Variants in EPS15 observed in about 807,000 individuals in gnomAD.
The protein encoded by EPS15 is epidermal growth factor receptor substrate 15.
EPS15 carries 72 observed loss-of-function variants against 113.8 expected under a neutral mutation model. The observed-to-expected ratio is 0.63, with a 90% CI of 0.52 to 0.77. The LOEUF (loss-of-function observed/expected upper bound fraction) is 0.77, where lower values mean the gene tolerates loss of function less well. Ranked by LOEUF, EPS15 falls within the 30% of genes least tolerant of loss-of-function variation. The pLI is 0.00. For missense variants in EPS15, 1,048 were observed against 1,045.8 expected (o/e 1.00, Z -0.03); for synonymous variants, 344 against 363.4 (o/e 0.95, Z 0.61).
At chr1:51,419,718 A>G (rs147345025) in intron 13 of EPS15, among the ~76,000 whole-genome samples, 1 of 152,222 alleles carries the variant, frequency 6.6e-6, no homozygotes, top group East Asian at 1.9e-4. Context: ...AAGTATTGAG[A>G]GTTGGAGTTA....
At position 51,361,185 on chromosome 1, in the gene EPS15, C is replaced by CA; in HGVS notation, c.2529dup (p.Ala844CysfsTer9). ...ACAGTACTTACAGCACTGAAGTTGG[C>CA]AAAATTGCTTGGATCAGCCTCTTTA... On this transcript the variant is annotated frameshift_variant, in exon 24 of 25. Transcript: ENST00000371733. LOFTEE classifies it high-confidence loss of function. 1 of 1,613,726 alleles carries CA rather than the reference C, an allele frequency of 6.2e-7. No individual in the cohort carries two copies. Among genetic ancestry groups the CA allele is most frequent in the Non-Finnish European group, 8.5e-7 (1 of 1,179,710 alleles).
At chr1:51,448,992 T>C (rs1416096403) in intron 8 of EPS15, among the ~76,000 whole-genome samples, 1 of 152,138 alleles carries the variant, frequency 6.6e-6, no homozygotes, top group African/African-American at 2.4e-5. Flanking sequence ...ATGCTGCTGG[T>C]GGGAATGTAA....
In EPS15 at chr1:51,391,764, G is replaced by A. The variant is rs113771481; in HGVS notation, c.2119+2617C>T. Among the ~76,000 whole-genome samples the A allele has an allele frequency of 2.2e-4, 33 of 152,300 alleles. 1 individual carries two copies. In the East Asian group the frequency reaches 5.8e-3, roughly 27 times the overall value. Reference sequence around the variant, plus strand: ...CTGACAGATTAGAGACAGAGGAAGAGCAAAAGAAGAACCAAGGATGATTCT... The same window carrying A: ...CTGACAGATTAGAGACAGAGGAAGAACAAAAGAAGAACCAAGGATGATTCT... On this transcript the variant is annotated intron_variant, in intron 21 of 24. Coordinates refer to ENST00000371733, the MANE Select transcript of EPS15 (RefSeq NM_001981.3).
intron 20 of EPS15, among the ~76,000 whole-genome samples, chr1:51,398,295 C>T (rs1479955355): frequency 3.9e-5 from 6 of 152,068 alleles, no homozygotes; most frequent in Non-Finnish European, 7.4e-5. Flanking sequence ...CCTCGTGATC[C>T]GCCCACCTCA....
At chr1:51,508,340 G>GAAAA (rs1300452001) in intron 1 of EPS15, among the ~76,000 whole-genome samples, 1 of 98,424 alleles carries the variant, frequency 1.0e-5, no homozygotes, top group Non-Finnish European at 2.1e-5. Context: ...GAGAAAGAGA[G>GAAAA]AAAGAAAGAA....
intron 22 of EPS15, among the ~76,000 whole-genome samples, chr1:51,364,736 C>G (rs1646470089): frequency 6.6e-6 from 1 of 151,980 alleles, no homozygotes; most frequent in East Asian, 1.9e-4. Context: ...TGGGCTCAAG[C>G]AATCCTCCCA....
chr1:51,357,387 AAAAAATATATATATATAT>A (rs1375627662), intron 24 of EPS15, among the ~76,000 whole-genome samples: 30 of 54,930 alleles, frequency 5.5e-4, no homozygotes, highest in African/African-American at 2.4e-3. Flanking sequence ...AAAAAAAAAA[AAAAAATATATATATATAT>A]ATATATATAT....
At chr1:51,506,433 T>G (rs1644500230) in intron 1 of EPS15, among the ~76,000 whole-genome samples, 2 of 152,194 alleles carry the variant, frequency 1.3e-5, no homozygotes, top group Non-Finnish European at 2.9e-5. Flanking sequence ...TTTTTGAATA[T>G]TTTAAATATT....
intron 21 of EPS15, among the ~76,000 whole-genome samples, chr1:51,379,357 T>G (rs1274309120): frequency 6.6e-6 from 1 of 152,038 alleles, no homozygotes; most frequent in Non-Finnish European, 1.5e-5. Context: ...TGACCTCAAG[T>G]GATCCTCCCA....
At chr1:51,379,191 C>T (rs1646875881) in intron 21 of EPS15, among the ~76,000 whole-genome samples, 1 of 152,174 alleles carries the variant, frequency 6.6e-6, no homozygotes, top group Non-Finnish European at 1.5e-5. Context: ...GCCATCTTGG[C>T]TTACTGCAAC....
Position 51,472,967 on chromosome 1 carries a change from G to GT in EPS15, c.76-20dup. On this transcript the variant is annotated intron_variant, in intron 2 of 24. Transcript: ENST00000371733. ...TATCAACCTGAAAAGATACAAATCC[G>GT]TAAGTTGACAACAAAATACAAAAGG... is the stretch of plus-strand genomic sequence containing the variant. The GT allele has an allele frequency of 6.3e-7, 1 of 1,588,658 alleles. No individual in the cohort carries two copies. Among genetic ancestry groups the GT allele is most frequent in the Non-Finnish European group, 8.6e-7 (1 of 1,158,294 alleles).
intron 1 of EPS15, among the ~76,000 whole-genome samples, chr1:51,485,031 C>A (rs72691874): frequency 0.03 from 4,579 of 152,294 alleles, 75 homozygotes; most frequent in African/African-American, 0.05. Flanking sequence ...GCTATAAAGA[C>A]ATCACTGTAT....
chr1:51,391,762 G>C (rs1183843459), intron 21 of EPS15, among the ~76,000 whole-genome samples: 2 of 152,182 alleles, frequency 1.3e-5, no homozygotes, highest in Non-Finnish European at 2.9e-5. Context: ...GACAGAGGAA[G>C]AGCAAAAGAA....
chr1:51,483,441 C>G (rs1013601046), intron 1 of EPS15, among the ~76,000 whole-genome samples: 4 of 106,028 alleles, frequency 3.8e-5, no homozygotes, highest in Non-Finnish European at 8.6e-5. Context: ...GTGTGTGTGT[C>G]TCATACTGGT....
At chr1:51,496,800 A>T (rs899381317) in intron 1 of EPS15, among the ~76,000 whole-genome samples, 3 of 152,200 alleles carry the variant, frequency 2.0e-5, no homozygotes, top group Non-Finnish European at 4.4e-5. Flanking sequence ...CTTGAGTAAC[A>T]GTCACTGGAT....
intron 1 of EPS15, among the ~76,000 whole-genome samples, chr1:51,513,625 T>C (rs1644665048): frequency 6.6e-6 from 1 of 152,176 alleles, no homozygotes; most frequent in Non-Finnish European, 1.5e-5. Context: ...TTTTTAACCA[T>C]GAATTTATAT....
In EPS15 at chr1:51,443,504, GC is replaced by G. The variant is rs148265537; in HGVS notation, c.954+1384del. ...AAGGAATCAAAAAATTCACAAAAAG[GC>G]CCCCCCCATAACTCACAAAGCAGAT... On this transcript the variant is annotated intron_variant, in intron 11 of 24. Coordinates refer to ENST00000371733, the MANE Select transcript of EPS15 (RefSeq NM_001981.3). Among the ~76,000 whole-genome samples, 830 of 150,408 alleles carry G rather than the reference GC, an allele frequency of 5.5e-3. 6 individuals are homozygous for G. Among genetic ancestry groups the G allele is most frequent in the Middle Eastern group, 0.01 (3 of 294 alleles).
At chr1:51,447,959 T>G in intron 9 of EPS15, 87 bp downstream of exon 9, 1 of 1,522,248 alleles carries the variant, frequency 6.6e-7, no homozygotes. Context: ...CTTTGGTAGG[T>G]AAAATGCCTA....
rs1655261872 is a variant in EPS15 at position 51,471,824 on chromosome 1, C to T, written c.166-87G>A. On this transcript the variant is annotated intron_variant, in intron 3 of 24. Transcript: ENST00000371733. ...ATTAAATCTCTGCTATTTACAACCT[C>T]AGGCTCTCTGGTAATCAGATCTAAG... The T allele has an allele frequency of 3.2e-6, 3 of 950,208 alleles. No individual in the cohort carries two copies. The African/African-American group carries it at 4.9e-5, about 16-fold the overall frequency. 58.9% of individuals were successfully genotyped at this position (950,208 alleles called of 1,614,324 possible).
Sources: gnomAD v4.1 joint callset for allele counts (sites outside exome capture counted in the v4.1 genomes callset) on GRCh38, gnomAD v4.1.1 for gene constraint, MANE v1.5 for transcripts, NCBI Gene and HGNC (gene_info 2026-07-23, HGNC 2026-07-21) for gene names.